PCDHGB6: variants seen among roughly 807,000 people sequenced by gnomAD.
PCDHGB6 encodes the protein protocadherin gamma subfamily B, 6.
PCDHGB6 carries 51 observed loss-of-function variants against 59.1 expected under a neutral mutation model. That is an observed-to-expected ratio of 0.86 (90% confidence interval 0.69 to 1.09). PCDHGB6 has a LOEUF of 1.09. PCDHGB6 is among the 50% of genes least tolerant of loss of function. PCDHGB6 has a pLI of 0.00. For synonymous variants in PCDHGB6, 466 were observed against 495.1 expected (o/e 0.94, Z 0.78); for missense variants, 1,148 against 1,205.1 (o/e 0.95, Z 0.70).
chr5:141,433,277 T>G, intron 1 of PCDHGB6: 1 of 1,231,982 alleles, frequency 8.1e-7, no homozygotes. Flanking sequence ...CACTGCAGCC[T>G]CAAACTCCTA....
Position 141,486,656 on chromosome 5 carries a change from C to A in PCDHGB6, c.2419-8151C>A. 6.2e-7 allele frequency: 1 copy of A among 1,614,020 alleles called. No homozygotes were observed. Among genetic ancestry groups the A allele is most frequent in the Non-Finnish European group, 8.5e-7 (1 of 1,180,038 alleles). On this transcript the variant is annotated intron_variant, in intron 1 of 3. Transcript: ENST00000520790. This position sits in a 1 kb window ranked among gnomAD's most constrained non-coding sequence, Gnocchi z 5.0. ...GAATGCGCTTATCTCCTACTCACTCCTGGAGCCCAGGAATCGAGATGTATC... is the reference window on the plus strand; with the variant it reads ...GAATGCGCTTATCTCCTACTCACTCATGGAGCCCAGGAATCGAGATGTATC...
At chr5:141,498,372 C>A (rs1008996197) in intron 2 of PCDHGB6, among the ~76,000 whole-genome samples, 3 of 151,730 alleles carry the variant, frequency 2.0e-5, no homozygotes, top group Admixed American at 1.3e-4. Flanking sequence ...GTGGTGAGGC[C>A]TCCTGGGATC....
chr5:141,501,412 T>C (rs1479005426), intron 2 of PCDHGB6, among the ~76,000 whole-genome samples: 7 of 151,550 alleles, frequency 4.6e-5, no homozygotes, highest in African/African-American at 1.7e-4. Context: ...GCTTGGAAAA[T>C]AGTTGACTAA....
intron 1 of PCDHGB6, chr5:141,421,331 C>T: frequency 1.2e-6 from 2 of 1,613,856 alleles, no homozygotes; most frequent in East Asian, 2.2e-5. Flanking sequence ...ATCCGATATT[C>T]GGTGCCAGAA....
At chr5:141,439,622 TCC>T (rs1374759651) in intron 1 of PCDHGB6, among the ~76,000 whole-genome samples, 1 of 152,134 alleles carries the variant, frequency 6.6e-6, no homozygotes, top group Non-Finnish European at 1.5e-5. Context: ...AATGAGCCAA[TCC>T]CCAGACATTC....
rs1258881607 is a variant in PCDHGB6 at position 141,409,381 on chromosome 5, G to T, written c.1179G>T (p.Lys393Asn). 6.2e-7 allele frequency: 1 copy of T among 1,614,018 alleles called. No individual in the cohort carries two copies. Among genetic ancestry groups the T allele is most frequent in the Admixed American group, 1.7e-5 (1 of 60,028 alleles). The stretch of plus-strand genomic sequence containing the variant: ...ATATAGAAACAGACATTCCATTCAA[G>T]ATTTATTCTTCTTCCAATAACTACT... Reference protein sequence around the residue: ...RCNIETDIPFKIYSSSNNYYK... With the variant: ...RCNIETDIPFNIYSSSNNYYK... Residue 393 changes from lysine to asparagine, a missense_variant, in exon 1 of 4, where the codon AAG becomes AAT. Physicochemically the swap from Lys to Asn is moderately conservative, Grantham distance 94 (BLOSUM62 0). Around this residue, in one of 5 missense-constraint regions of PCDHGB6, gnomAD observed 549 missense variants for 527.5 expected, o/e 1.04. Transcript: ENST00000520790.
At position 141,487,385 on chromosome 5, in the gene PCDHGB6, CGAA is replaced by C; in HGVS notation, c.2419-7420_2419-7418del. 6.2e-7 allele frequency: 1 copy of C among 1,614,160 alleles called. No individual in the cohort carries two copies. The highest frequency in any genetic ancestry group is 8.5e-7 in the Non-Finnish European group (1 of 1,180,046). On this transcript the variant is annotated intron_variant, in intron 1 of 3. Coordinates refer to ENST00000520790, the MANE Select transcript of PCDHGB6 (RefSeq NM_018926.3). The surrounding 1 kb of genome is among the most constrained non-coding windows in gnomAD (Gnocchi z 5.0). ...CACCTGTGCCTGTCTCACCAGATCTCGAAGGAGGGAGGGGCTTCCCCCTTCCAA... is the reference window on the plus strand; with the variant it reads ...CACCTGTGCCTGTCTCACCAGATCTCGGAGGGAGGGGCTTCCCCCTTCCAA...
chr5:141,415,761 T>A (rs1047830043), intron 1 of PCDHGB6: 2 of 1,399,648 alleles, frequency 1.4e-6, no homozygotes, highest in African/African-American at 3.0e-5. Context: ...TTTTTTTTTT[T>A]TTTTTTTTTT....
At position 141,491,832 on chromosome 5, in the gene PCDHGB6, C is replaced by T. The variant is rs755882255; in HGVS notation, c.2419-2975C>T. On this transcript the variant is annotated intron_variant, in intron 1 of 3. Coordinates refer to ENST00000520790, the MANE Select transcript of PCDHGB6 (RefSeq NM_018926.3). The surrounding 1 kb of genome is among the most constrained non-coding windows in gnomAD (Gnocchi z 6.9). ...GTCGCTGGCTGCGCTCCACCCGATT[C>T]TCGGGATCATTGGACCGTTTGCGCG... 1.6e-5 allele frequency: 24 copies of T among 1,474,306 alleles called. No individual in the cohort carries two copies. The highest frequency in any genetic ancestry group is 2.0e-5 in the Non-Finnish European group (22 of 1,112,688). 91.3% of individuals were successfully genotyped at this position (1,474,306 alleles called of 1,614,324 possible). A position where few individuals can be genotyped will look rare whatever the true frequency, so the allele number is the denominator to read the frequency against.
At chr5:141,481,913 C>CAAA (rs34114744) in intron 1 of PCDHGB6, among the ~76,000 whole-genome samples, 3 of 90,796 alleles carry the variant, frequency 3.3e-5, no homozygotes, top group Non-Finnish European at 4.4e-5. Flanking sequence ...AACTCCATCT[C>CAAA]AAAAAAAAAA....
chr5:141,419,069 C>G, intron 1 of PCDHGB6: 1 of 1,613,912 alleles, frequency 6.2e-7, no homozygotes, highest in Admixed American at 1.7e-5. Context: ...TTACTACAAG[C>G]TAGTAACAGA....
intron 1 of PCDHGB6, among the ~76,000 whole-genome samples, chr5:141,459,307 A>G (rs1175102009): frequency 6.6e-6 from 1 of 152,198 alleles, no homozygotes; most frequent in Non-Finnish European, 1.5e-5. Context: ...AACATATACT[A>G]TTTTGTATCC....
intron 1 of PCDHGB6, chr5:141,422,846 A>T: frequency 2.5e-6 from 4 of 1,614,102 alleles, no homozygotes; most frequent in Non-Finnish European, 3.4e-6. Flanking sequence ...GACAGCGGGG[A>T]CCCGCCCCTC....
chr5:141,417,699 C>G, intron 1 of PCDHGB6: 1 of 1,164,548 alleles, frequency 8.6e-7, no homozygotes. Context: ...AACCAGCTCC[C>G]ACACAGAGGC....
intron 1 of PCDHGB6, chr5:141,413,140 A>G: frequency 1.3e-6 from 2 of 1,563,150 alleles, no homozygotes; most frequent in Non-Finnish European, 1.7e-6. Context: ...CAACGTGTCC[A>G]GTGAGGACTT....
chr5:141,480,077 C>T (rs767048249), intron 1 of PCDHGB6, among the ~76,000 whole-genome samples: 2 of 152,142 alleles, frequency 1.3e-5, no homozygotes, highest in Non-Finnish European at 2.9e-5. Flanking sequence ...AAGATTCATG[C>T]ATGATATAAT....
At chr5:141,423,448 T>A (rs780751840) in intron 1 of PCDHGB6, 1 of 1,613,992 alleles carries the variant, frequency 6.2e-7, no homozygotes, top group East Asian at 2.2e-5. Context: ...CACGTCACAT[T>A]TTGTAGGCGT....
intron 2 of PCDHGB6, among the ~76,000 whole-genome samples, chr5:141,503,984 C>T (rs967348519): frequency 2.0e-5 from 3 of 152,184 alleles, no homozygotes; most frequent in African/African-American, 7.2e-5. Context: ...AACCCTTCTT[C>T]TTACCTTACA....
chr5:141,418,988 G>A, intron 1 of PCDHGB6: 1 of 1,613,946 alleles, frequency 6.2e-7, no homozygotes, highest in Non-Finnish European at 8.5e-7. Context: ...CCAAGACTCA[G>A]GGGAAAATGG....
Sources: allele counts gnomAD v4.1 joint callset (sites outside exome capture counted in the v4.1 genomes callset), GRCh38; gene constraint gnomAD v4.1.1; regional missense constraint gnomAD v4.1.1; non-coding constraint Gnocchi (gnomAD v3.1); transcripts MANE v1.5; gene names NCBI Gene and HGNC (gene_info 2026-07-23, HGNC 2026-07-21).